Variants in PRKG1 observed in about 807,000 individuals in gnomAD.
PRKG1 encodes the protein cGMP-dependent protein kinase 1.
A neutral mutation model predicts 88.1 loss-of-function variants in PRKG1; 35 were observed. The observed-to-expected ratio is 0.40, with a 90% CI of 0.30 to 0.53. The LOEUF is 0.53. Among genes scored for constraint, PRKG1 ranks in the 20% least tolerant of loss-of-function variants. The pLI is 0.59. For synonymous variants in PRKG1, 303 were observed against 292.5 expected (o/e 1.04, Z -0.37); for missense variants, 540 against 839.8 (o/e 0.64, Z 4.41).
intron 3 of PRKG1, among the ~76,000 whole-genome samples, chr10:51,710,539 A>G (rs1041234970): frequency 6.6e-6 from 1 of 152,200 alleles, no homozygotes; most frequent in African/African-American, 2.4e-5. Flanking sequence ...AGCCTGCTCT[A>G]TGGATAGTAC....
At chr10:52,284,226 A>G (rs1318386959) in intron 14 of PRKG1, among the ~76,000 whole-genome samples, 1 of 152,058 alleles carries the variant, frequency 6.6e-6, no homozygotes, top group Non-Finnish European at 1.5e-5. Context: ...AATAACCTCA[A>G]GGACATAGAA....
chr10:51,093,498 G>A (rs1048103588), intron 1 of PRKG1, among the ~76,000 whole-genome samples: 1 of 151,884 alleles, frequency 6.6e-6, no homozygotes, highest in Non-Finnish European at 1.5e-5. Flanking sequence ...TTCACTTCCA[G>A]GAGAACTTTT....
chr10:51,133,051 C>T (rs1315251017), intron 1 of PRKG1, among the ~76,000 whole-genome samples: 1 of 152,038 alleles, frequency 6.6e-6, no homozygotes, highest in Non-Finnish European at 1.5e-5. Flanking sequence ...ACAATGAAAT[C>T]TGAGACATAG....
intron 2 of PRKG1, among the ~76,000 whole-genome samples, chr10:51,340,361 G>A (rs1025924202): frequency 6.6e-6 from 1 of 152,032 alleles, no homozygotes; most frequent in African/African-American, 2.4e-5. Flanking sequence ...TTTTGACTTT[G>A]CCAAACTCAT....
chr10:52,095,764 G>A (rs1847158090), intron 7 of PRKG1, among the ~76,000 whole-genome samples: 1 of 152,202 alleles, frequency 6.6e-6, no homozygotes, highest in South Asian at 2.1e-4. Context: ...CATATGATCT[G>A]TGAGTACTTT....
At chr10:51,127,201 G>T (rs1183622209) in intron 1 of PRKG1, among the ~76,000 whole-genome samples, 1 of 152,018 alleles carries the variant, frequency 6.6e-6, no homozygotes, top group Non-Finnish European at 1.5e-5. Flanking sequence ...GAAAATTTTT[G>T]CAATCTATCC....
In PRKG1 at chr10:51,042,679, C is replaced by T. The variant is rs188688098; in HGVS notation, c.266+51035C>T. 6.6e-4 allele frequency among the ~76,000 whole-genome samples: 101 copies of T among 152,266 alleles called. 1 individual carries two copies. Among genetic ancestry groups the T allele is most frequent in the Middle Eastern group, 3.4e-3 (1 of 294 alleles). ...AGAGCAAGATGCCAGCCTGCCTTGCCACCAGTCCTATAGGAGACACTGGAC... is the reference window on the plus strand; with the variant it reads ...AGAGCAAGATGCCAGCCTGCCTTGCTACCAGTCCTATAGGAGACACTGGAC... On this transcript the variant is annotated intron_variant, in intron 1 of 17. Coordinates refer to the PRKG1 transcript ENST00000401604.
rs537378410 is a variant in PRKG1 at position 51,542,268 on chromosome 10, G to GA, written c.592+74438dup. Among the ~76,000 whole-genome samples the GA allele has an allele frequency of 7.2e-5, 11 of 152,244 alleles. No individual in the cohort carries two copies. In the East Asian group the frequency reaches 1.5e-3, roughly 21 times the overall value. On this transcript the variant is annotated intron_variant, in intron 3 of 17. Transcript: ENST00000373980. ...GAGAGAATTTGGAGGGTCTGCACCA[G>GA]AAAAAACATAACAGCAACTAACATG...
intron 4 of PRKG1, among the ~76,000 whole-genome samples, chr10:51,847,144 AG>A (rs571706701): frequency 9.2e-4 from 140 of 152,282 alleles, no homozygotes; most frequent in Non-Finnish European, 1.6e-3. Context: ...AAATGAAGGC[AG>A]GTGCTGATGA....
intron 9 of PRKG1, among the ~76,000 whole-genome samples, chr10:52,193,310 A>AGAGACGGGTG (rs1839411940): frequency 6.6e-6 from 1 of 152,002 alleles, no homozygotes; most frequent in Admixed American, 6.6e-5. Context: ...TTTGGGAAGC[A>AGAGACGGGTG]GAGACGGGTG....
At chr10:51,819,645 A>C (rs1447800695) in intron 4 of PRKG1, among the ~76,000 whole-genome samples, 1 of 152,188 alleles carries the variant, frequency 6.6e-6, no homozygotes, top group Non-Finnish European at 1.5e-5. Flanking sequence ...TGCAGGAGTC[A>C]GGAAAAGGAA....
chr10:51,719,548 G>A (rs1841963988), intron 3 of PRKG1, among the ~76,000 whole-genome samples: 1 of 152,130 alleles, frequency 6.6e-6, no homozygotes. Context: ...TCATAGATTG[G>A]AGAACACTAA....
At chr10:51,296,779 T>C (rs565057998) in intron 2 of PRKG1, among the ~76,000 whole-genome samples, 1 of 152,252 alleles carries the variant, frequency 6.6e-6, no homozygotes, top group South Asian at 2.1e-4. Flanking sequence ...TATTTGAGAA[T>C]GTTCTTTCCT....
chr10:51,795,690 G>A (rs139190049), intron 3 of PRKG1, among the ~76,000 whole-genome samples: 79 of 152,212 alleles, frequency 5.2e-4, no homozygotes, highest in African/African-American at 1.8e-3. Flanking sequence ...TCAGTAAAGT[G>A]GGGGTAGAAT....
chr10:51,838,399 C>T (rs1317343319), intron 4 of PRKG1, among the ~76,000 whole-genome samples: 1 of 152,022 alleles, frequency 6.6e-6, no homozygotes, highest in Non-Finnish European at 1.5e-5. Context: ...CATTTAAAAG[C>T]CATAGAGAAA....
At position 52,298,158 on chromosome 10, in the gene PRKG1, G is replaced by A. The variant is rs1055625565; in HGVS notation, c.*4258G>A. ...CTTACAATTTGTTCTACATGAAAGA[G>A]TTCTTTGTTAGTCAGAATGCAACAA... is the stretch of plus-strand genomic sequence containing the variant. On this transcript the variant is annotated 3_prime_UTR_variant, in exon 18 of 18. Coordinates refer to ENST00000373980, the MANE Select transcript of PRKG1 (RefSeq NM_006258.4). The A allele has an allele frequency of 6.6e-6, 1 of 151,938 alleles. No individual in the cohort carries two copies. The highest frequency in any genetic ancestry group is 6.6e-5 in the Admixed American group (1 of 15,210). 9.4% of individuals were successfully genotyped at this position (151,938 alleles called of 1,614,324 possible).
At chr10:51,197,509 G>A (rs1904682) in intron 2 of PRKG1, among the ~76,000 whole-genome samples, 1 of 151,930 alleles carries the variant, frequency 6.6e-6, no homozygotes, top group Non-Finnish European at 1.5e-5. Context: ...CCTGACCTCA[G>A]GTGATCTGCC....
chr10:51,101,328 G>A (rs574898269), intron 1 of PRKG1, among the ~76,000 whole-genome samples: 1 of 152,222 alleles, frequency 6.6e-6, no homozygotes, highest in African/African-American at 2.4e-5. Flanking sequence ...ACAAGCCCAG[G>A]AGAGAGGCTT....
At chr10:51,960,056 A>C (rs1470691431) in intron 5 of PRKG1, among the ~76,000 whole-genome samples, 1 of 151,868 alleles carries the variant, frequency 6.6e-6, no homozygotes, top group Non-Finnish European at 1.5e-5. Flanking sequence ...AGCTGCAGAA[A>C]CTTCTAGACA....
Sources: gnomAD v4.1 joint callset for allele counts (sites outside exome capture counted in the v4.1 genomes callset) on GRCh38, gnomAD v4.1.1 for gene constraint, MANE v1.5 for transcripts, NCBI Gene and HGNC (gene_info 2026-07-23, HGNC 2026-07-21) for gene names.